The following FLACC1 variants were observed in gnomAD, a reference collection of about 807,000 sequenced individuals.
The protein encoded by FLACC1 is flagellum associated containing coiled-coil domains 1.
In FLACC1, 66 loss-of-function variants were observed where a neutral mutation model predicts 62.8. The ratio of observed to expected loss-of-function variants is 1.05; its 90% CI spans 0.86 to 1.29. FLACC1 has a LOEUF of 1.29. Ranked by LOEUF, FLACC1 falls within the 50% of genes most tolerant of loss-of-function variation. The pLI, the probability that FLACC1 is intolerant of heterozygous loss-of-function variation, is 0.00. For missense variants in FLACC1, 452 were observed against 489.1 expected, an observed-to-expected ratio of 0.92 and a Z score of 0.71; for synonymous variants, 156 against 161.0, an observed-to-expected ratio of 0.97 and a Z score of 0.24.
Position 201,357,198 on chromosome 2 carries a change from C to T in FLACC1, c.-264G>A, listed in dbSNP as rs2110684. On this transcript the variant is annotated 5_prime_UTR_variant, in exon 1 of 15. Coordinates refer to ENST00000392257, the MANE Select transcript of FLACC1 (RefSeq NM_001127391.3). The stretch of plus-strand genomic sequence containing the variant: ...AAGACAGACTTCTAGTGAATCCAAT[C>T]AAAGGCTTTTACAAAGGCTGGCCTG... 64,215 of 152,110 alleles carry T rather than the reference C, an allele frequency of 0.42. 14,277 individuals are homozygous for T. The highest frequency in any genetic ancestry group is 0.54 in the South Asian group (2,593 of 4,826). 9.4% of individuals were successfully genotyped at this position (152,110 alleles called of 1,614,324 possible).
chr2:201,347,149 T>C (rs1056603546), intron 4 of FLACC1, among the ~76,000 whole-genome samples: 1 of 123,846 alleles, frequency 8.1e-6, no homozygotes, highest in African/African-American at 2.6e-5. Context: ...TATGAGAAAA[T>C]GACTAGGACG....
intron 5 of FLACC1, among the ~76,000 whole-genome samples, chr2:201,345,606 AAGTAAG>A (rs1950897467): frequency 6.6e-6 from 1 of 152,288 alleles, no homozygotes; most frequent in East Asian, 1.9e-4. Flanking sequence ...TGCAGTTAAG[AAGTAAG>A]ATGCCTGAAC....
intron 12 of FLACC1, among the ~76,000 whole-genome samples, chr2:201,291,794 T>C (rs1372168559): frequency 1.3e-5 from 2 of 152,106 alleles, no homozygotes; most frequent in African/African-American, 2.4e-5. Context: ...ATTAGACGAA[T>C]GGCTAACTAG....
intron 12 of FLACC1, among the ~76,000 whole-genome samples, chr2:201,292,028 A>G (rs1404742009): frequency 6.6e-6 from 1 of 152,130 alleles, no homozygotes; most frequent in East Asian, 1.9e-4. Flanking sequence ...GGACTATGTG[A>G]AAAGACCAAA....
chr2:201,341,312 A>G (rs1950803324), intron 7 of FLACC1, among the ~76,000 whole-genome samples: 1 of 151,780 alleles, frequency 6.6e-6, no homozygotes, highest in Non-Finnish European at 1.5e-5. Flanking sequence ...GATTATCTTC[A>G]CCCATACACA....
chr2:201,289,347 C>G (rs773924246), intron 14 of FLACC1, 110 bp downstream of exon 14: 1 of 1,010,652 alleles, frequency 9.9e-7, no homozygotes, highest in Non-Finnish European at 1.5e-6. Flanking sequence ...ACACCTGTGC[C>G]TTGACATAAC....
At chr2:201,320,265 C>T (rs1387107565) in intron 9 of FLACC1, among the ~76,000 whole-genome samples, 1 of 152,204 alleles carries the variant, frequency 6.6e-6, no homozygotes, top group Non-Finnish European at 1.5e-5. Flanking sequence ...ACCTTAGGTG[C>T]GGATGAACTC....
chr2:201,355,696 C>T lies in FLACC1; in HGVS notation c.-48+1286G>A, dbSNP rs1951105536. 2.0e-5 allele frequency among the ~76,000 whole-genome samples: 3 copies of T among 151,822 alleles called. No homozygotes were observed. The South Asian group carries it at 6.2e-4, about 32-fold the overall frequency. On this transcript the variant is annotated intron_variant, in intron 1 of 14. Coordinates refer to ENST00000392257, the MANE Select transcript of FLACC1 (RefSeq NM_001127391.3). The stretch of plus-strand genomic sequence containing the variant: ...GAAACATATCGAGACTCTGTATCTA[C>T]AAAAAATTTTAAAAATAGCCTAGTA...
In FLACC1 at chr2:201,350,785, G is replaced by A. The variant is rs201456084; in HGVS notation, c.114-3C>T. On this transcript the variant is annotated splice_polypyrimidine_tract_variant and splice_region_variant and intron_variant, in intron 2 of 14. Transcript: ENST00000392257. ...GAGCTGGTACAAGAGGAGTTAGCCT[G>A]AAAGTGAAAAACAAATAACTAAAAC... 1 of 1,609,624 alleles carries A rather than the reference G, an allele frequency of 6.2e-7. No individual in the cohort carries two copies. Among genetic ancestry groups the A allele is most frequent in the African/African-American group, 1.3e-5 (1 of 74,866 alleles).
intron 7 of FLACC1, among the ~76,000 whole-genome samples, chr2:201,333,729 C>T (rs893993043): frequency 6.6e-6 from 1 of 152,130 alleles, no homozygotes. Context: ...ACAAAGGACA[C>T]AAACTCATCA....
chr2:201,363,766 T>C, the FLACC1 span, among the ~76,000 whole-genome samples: 2 of 152,242 alleles, frequency 1.3e-5, no homozygotes, highest in South Asian at 4.1e-4. Context: ...CATGCCTAGA[T>C]AGAGCTCCAG....
chr2:201,304,997 C>T (rs6757776), intron 11 of FLACC1, among the ~76,000 whole-genome samples: 18,722 of 152,200 alleles, frequency 0.12, 1,468 homozygotes, highest in African/African-American at 0.22. Context: ...GAAACCTAGG[C>T]AATACCATTC....
chr2:201,297,841 A>C (rs1256034082), intron 12 of FLACC1, among the ~76,000 whole-genome samples: 9 of 152,216 alleles, frequency 5.9e-5, no homozygotes, highest in Admixed American at 5.2e-4. Context: ...AGTGTTGGGC[A>C]GGGAGCGGAG....
At chr2:201,325,748 A>G (rs1228302101) in intron 9 of FLACC1, among the ~76,000 whole-genome samples, 1 of 152,164 alleles carries the variant, frequency 6.6e-6, no homozygotes, top group Non-Finnish European at 1.5e-5. Flanking sequence ...CAGATGTTCA[A>G]TGAAGAATTG....
chr2:201,343,125 A>G (rs2125611764), intron 6 of FLACC1, among the ~76,000 whole-genome samples: 1 of 152,340 alleles, frequency 6.6e-6, no homozygotes, highest in South Asian at 2.1e-4. Flanking sequence ...CAGACAGAGA[A>G]CAGCCCAGCG....
intron 9 of FLACC1, among the ~76,000 whole-genome samples, chr2:201,317,577 A>G (rs1950329168): frequency 6.6e-6 from 1 of 152,242 alleles, no homozygotes; most frequent in African/African-American, 2.4e-5. Context: ...AACACATCCC[A>G]TGCTCACTGA....
Position 201,346,737 on chromosome 2 carries a change from C to A in FLACC1, c.235-62G>T. On this transcript the variant is annotated intron_variant, in intron 4 of 14. Transcript: ENST00000392257. This position sits in a 1 kb window ranked among gnomAD's most constrained non-coding sequence, Gnocchi z 4.0. The stretch of plus-strand genomic sequence containing the variant: ...TTGGAGTGCTGAGATTTTTCCAAAT[C>A]TTCTCTTATTGCCTCACTCACATCT... The A allele has an allele frequency of 6.8e-7, 1 of 1,460,288 alleles. No homozygotes were observed. Among genetic ancestry groups the A allele is most frequent in the Non-Finnish European group, 9.5e-7 (1 of 1,055,116 alleles). The allele number at this position is 1,460,288 out of a possible 1,614,324, so 90.5% of individuals were successfully genotyped here.
chr2:201,300,977 C>T (rs1264632377), intron 11 of FLACC1, among the ~76,000 whole-genome samples: 1 of 152,144 alleles, frequency 6.6e-6, no homozygotes, highest in Non-Finnish European at 1.5e-5. Context: ...TGGGGGGAAA[C>T]CAGAGCAGAA....
At chr2:201,332,411 A>G (rs1652893240) in intron 7 of FLACC1, among the ~76,000 whole-genome samples, 5 of 151,956 alleles carry the variant, frequency 3.3e-5, no homozygotes, top group Admixed American at 3.3e-4. Flanking sequence ...ATTATGTCCA[A>G]CCAATTTTTG....
Sources: gnomAD v4.1 joint callset for allele counts (sites outside exome capture counted in the v4.1 genomes callset) on GRCh38, gnomAD v4.1.1 for gene constraint, Gnocchi (gnomAD v3.1) non-coding constraint, MANE v1.5 for transcripts, NCBI Gene and HGNC (gene_info 2026-07-23, HGNC 2026-07-21) for gene names.